The following TRAPPC9 variants were observed in gnomAD, a reference collection of about 807,000 sequenced individuals.
TRAPPC9 encodes the protein IKK2 binding protein.
A neutral mutation model predicts 124.0 loss-of-function variants in TRAPPC9; 83 were observed. The observed-to-expected ratio is 0.67, with a 90% CI of 0.56 to 0.80. The LOEUF is 0.80. Among genes scored for constraint, TRAPPC9 ranks in the 30% least tolerant of loss-of-function variants. TRAPPC9 has a pLI of 0.00. For synonymous variants in TRAPPC9, 638 were observed against 617.5 expected (o/e 1.03, Z -0.49); for missense variants, 1,302 against 1,508.3 (o/e 0.86, Z 2.27).
At chr8:140,296,607 G>A (rs2065810435) in intron 11 of TRAPPC9, among the ~76,000 whole-genome samples, 2 of 152,200 alleles carry the variant, frequency 1.3e-5, no homozygotes. Flanking sequence ...GAGAGGCAGG[G>A]CCTACAATCC....
At chr8:140,014,108 G>C (rs900004890) in intron 18 of TRAPPC9, among the ~76,000 whole-genome samples, 1 of 152,240 alleles carries the variant, frequency 6.6e-6, no homozygotes, top group African/African-American at 2.4e-5. Flanking sequence ...CACAGGGAAA[G>C]TGACGAAGGC....
At chr8:139,951,995 T>G (rs1274531305) in intron 19 of TRAPPC9, among the ~76,000 whole-genome samples, 4 of 152,212 alleles carry the variant, frequency 2.6e-5, no homozygotes, top group African/African-American at 9.6e-5. Context: ...TGTATTTTCA[T>G]CAAGGATAAA....
chr8:140,058,939 G>C (rs998909813), intron 17 of TRAPPC9, among the ~76,000 whole-genome samples: 2 of 152,198 alleles, frequency 1.3e-5, no homozygotes, highest in Non-Finnish European at 2.9e-5. Flanking sequence ...TGGGAGGCTG[G>C]TTCTGCGTTG....
chr8:140,357,530 C>T (rs577346353), intron 9 of TRAPPC9, among the ~76,000 whole-genome samples: 1 of 151,970 alleles, frequency 6.6e-6, no homozygotes, highest in African/African-American at 2.4e-5. Context: ...AGCCCCTACA[C>T]AGAGTCCAGG....
At chr8:140,415,679 T>A (rs935820274) in intron 5 of TRAPPC9, among the ~76,000 whole-genome samples, 6 of 152,190 alleles carry the variant, frequency 3.9e-5, no homozygotes, top group South Asian at 2.1e-4. Flanking sequence ...TTACATTTTT[T>A]AAAAACAGGC....
intron 16 of TRAPPC9, among the ~76,000 whole-genome samples, chr8:140,226,591 C>T (rs79890713): frequency 9.7e-6 from 1 of 103,304 alleles, no homozygotes; most frequent in Admixed American, 9.7e-5. Flanking sequence ...GACTCGGTCT[C>T]AAAAAAAAAA....
chr8:140,152,226 C>T (rs2061554301), intron 17 of TRAPPC9, among the ~76,000 whole-genome samples: 1 of 110,654 alleles, frequency 9.0e-6, no homozygotes. Context: ...CTCCCAGGAA[C>T]TTAAGCTTTA....
intron 17 of TRAPPC9, among the ~76,000 whole-genome samples, chr8:140,062,244 C>T (rs1250429778): frequency 6.6e-6 from 1 of 152,192 alleles, no homozygotes; most frequent in Non-Finnish European, 1.5e-5. Context: ...CTGCAAGGGG[C>T]TGTGCCTGTC....
intron 16 of TRAPPC9, among the ~76,000 whole-genome samples, chr8:140,228,161 G>A (rs62527480): frequency 0.023 from 3,440 of 152,320 alleles, 59 homozygotes; most frequent in African/African-American, 0.039. Context: ...AATGCATAAG[G>A]TTGAATACAT....
intron 17 of TRAPPC9, among the ~76,000 whole-genome samples, chr8:140,089,123 A>G (rs1336367528): frequency 6.6e-6 from 1 of 152,218 alleles, no homozygotes; most frequent in African/African-American, 2.4e-5. Context: ...GATTTAGCAA[A>G]CCAAGCTCCC....
At chr8:140,148,706 G>A (rs773180642) in intron 17 of TRAPPC9, among the ~76,000 whole-genome samples, 1 of 152,144 alleles carries the variant, frequency 6.6e-6, no homozygotes, top group Non-Finnish European at 1.5e-5. Flanking sequence ...TGCTCCAGAT[G>A]AGAGAAAATG....
Position 139,935,856 on chromosome 8 carries a change from C to T in TRAPPC9, c.2811-25556G>A, listed in dbSNP as rs375526801. On this transcript the variant is annotated intron_variant, in intron 19 of 22. Transcript: ENST00000438773. ...CATTTCATCCATACAAGAACCCTTC[C>T]TCATTCACCGATGGGGAAACTGAGG... Among the ~76,000 whole-genome samples the T allele has an allele frequency of 1.3e-4, 20 of 152,340 alleles. No homozygotes were observed. In the East Asian group the frequency reaches 3.7e-3, roughly 28 times the overall value.
intron 8 of TRAPPC9, among the ~76,000 whole-genome samples, chr8:140,361,022 C>A (rs1257407544): frequency 6.6e-6 from 1 of 152,230 alleles, no homozygotes; most frequent in Non-Finnish European, 1.5e-5. Context: ...CAGGTATGAG[C>A]CACTGCTCCC....
At chr8:139,861,401 C>A (rs1214280290) in intron 21 of TRAPPC9, among the ~76,000 whole-genome samples, 2 of 152,084 alleles carry the variant, frequency 1.3e-5, no homozygotes, top group Admixed American at 1.3e-4. Context: ...CACTTAGGAA[C>A]AGGTAACTAA....
chr8:139,782,446 C>A (rs12541565), intron 21 of TRAPPC9, among the ~76,000 whole-genome samples: 57,115 of 152,112 alleles, frequency 0.38, 12,969 homozygotes, highest in Non-Finnish European at 0.51. Context: ...ATATTAACAT[C>A]ATAGCAATTG....
chr8:140,272,177 G>GTGGTGGTTA (rs914564237), intron 15 of TRAPPC9, among the ~76,000 whole-genome samples: 3 of 98,058 alleles, frequency 3.1e-5, no homozygotes, highest in African/African-American at 1.3e-4. Context: ...GGTTATAGTG[G>GTGGTGGTTA]TGGTGGTTAT....
At chr8:139,996,128 A>C (rs1837948829) in intron 18 of TRAPPC9, among the ~76,000 whole-genome samples, 1 of 51,004 alleles carries the variant, frequency 2.0e-5, no homozygotes, top group Non-Finnish European at 4.3e-5. Context: ...AGCGAAAAAG[A>C]AGATAAAAAA....
chr8:140,329,853 A>G (rs570492337), intron 9 of TRAPPC9, among the ~76,000 whole-genome samples: 1 of 152,282 alleles, frequency 6.6e-6, no homozygotes, highest in South Asian at 2.1e-4. Context: ...CAAGGCGGGC[A>G]GATCACCTGA....
intron 17 of TRAPPC9, among the ~76,000 whole-genome samples, chr8:140,051,402 G>C (rs2132086388): frequency 6.6e-6 from 1 of 152,118 alleles, no homozygotes; most frequent in East Asian, 1.9e-4. Flanking sequence ...CTCAACCCTG[G>C]ATTCAGAAGC....
Sources: gnomAD v4.1 joint callset for allele counts (sites outside exome capture counted in the v4.1 genomes callset) on GRCh38, gnomAD v4.1.1 for gene constraint, MANE v1.5 for transcripts, NCBI Gene and HGNC (gene_info 2026-07-23, HGNC 2026-07-21) for gene names.